RMST: variants seen among roughly 807,000 people sequenced by gnomAD.
RMST encodes the protein rhabdomyosarcoma 2 associated transcript.
chr12:97,490,969 A>G (rs1048500260), intron 5 of RMST, among the ~76,000 whole-genome samples: 2 of 152,242 alleles, frequency 1.3e-5, no homozygotes, highest in African/African-American at 4.8e-5. Context: ...TCCCATTTGC[A>G]AAGTCCAAGT....
intron 10 of RMST, among the ~76,000 whole-genome samples, chr12:97,522,380 C>A (rs528129391): frequency 6.6e-6 from 1 of 152,288 alleles, no homozygotes; most frequent in Non-Finnish European, 1.5e-5. Context: ...GATTCTCTTA[C>A]ATTACTCTTC....
intron 11 of RMST, among the ~76,000 whole-genome samples, chr12:97,540,127 G>A (rs887540513): frequency 6.6e-6 from 1 of 151,682 alleles, no homozygotes; most frequent in African/African-American, 2.4e-5. Flanking sequence ...GGCGCATTGA[G>A]GGAAATCTAT....
intron 5 of RMST, among the ~76,000 whole-genome samples, chr12:97,490,849 G>A (rs1293755758): frequency 6.6e-6 from 1 of 152,190 alleles, no homozygotes; most frequent in East Asian, 1.9e-4. Flanking sequence ...CCCAGCGAAA[G>A]GGGATTTGAT....
chr12:97,514,533 A>G (rs1413895930), intron 10 of RMST, among the ~76,000 whole-genome samples: 2 of 152,144 alleles, frequency 1.3e-5, no homozygotes, highest in Non-Finnish European at 1.5e-5. Flanking sequence ...TGCCATATCT[A>G]TATCTATATA....
intron 13 of RMST, chr12:97,564,080 T>C (rs1339362895): frequency 1.8e-5 from 6 of 337,502 alleles, no homozygotes; most frequent in Non-Finnish European, 3.0e-5. Flanking sequence ...TTCGTAATCA[T>C]TGATTAACAT....
chr12:97,525,691 AG>A, intron 10 of RMST, among the ~76,000 whole-genome samples: 1 of 152,182 alleles, frequency 6.6e-6, no homozygotes, highest in South Asian at 2.1e-4. Flanking sequence ...ATAAATAAAC[AG>A]TATATGCAAA....
intron 10 of RMST, among the ~76,000 whole-genome samples, chr12:97,526,277 C>T (rs910165010): frequency 1.3e-5 from 2 of 151,986 alleles, no homozygotes; most frequent in Admixed American, 1.3e-4. Context: ...TATACAATAC[C>T]CATTGTTCTG....
intron 10 of RMST, among the ~76,000 whole-genome samples, chr12:97,503,482 T>C (rs1878319223): frequency 6.6e-6 from 1 of 151,028 alleles, no homozygotes; most frequent in Non-Finnish European, 1.5e-5. Flanking sequence ...GGTGGGATGC[T>C]TATTAAAAAA....
chr12:97,556,975 A>G (rs1883751418), intron 11 of RMST, among the ~76,000 whole-genome samples: 1 of 152,174 alleles, frequency 6.6e-6, no homozygotes, highest in Non-Finnish European at 1.5e-5. Flanking sequence ...GCCAAAGTTC[A>G]TCTTCATAAT....
intron 10 of RMST, among the ~76,000 whole-genome samples, chr12:97,513,867 A>G (rs1879671050): frequency 6.6e-6 from 1 of 152,170 alleles, no homozygotes; most frequent in Non-Finnish European, 1.5e-5. Context: ...CCAGAAAAGA[A>G]AAGGGTCAGG....
intron 10 of RMST, among the ~76,000 whole-genome samples, chr12:97,516,347 G>A (rs115871896): frequency 5.9e-5 from 9 of 152,008 alleles, no homozygotes; most frequent in South Asian, 2.1e-4. Flanking sequence ...GCTAATTGCC[G>A]TCACATTTTG....
intron 4 of RMST, among the ~76,000 whole-genome samples, chr12:97,463,616 A>C (rs1298132002): frequency 6.6e-6 from 1 of 152,224 alleles, no homozygotes. Context: ...GCCATGCAGA[A>C]TTCAAGGGAT....
At chr12:97,495,189 G>A (rs754734731) in intron 9 of RMST, among the ~76,000 whole-genome samples, 4 of 149,406 alleles carry the variant, frequency 2.7e-5, no homozygotes, top group Non-Finnish European at 6.0e-5. Context: ...GGGGGGAGCC[G>A]CTGGGAAAGG....
At chr12:97,526,278 C>T (rs998398565) in intron 10 of RMST, among the ~76,000 whole-genome samples, 4 of 152,082 alleles carry the variant, frequency 2.6e-5, no homozygotes, top group African/African-American at 9.7e-5. Flanking sequence ...ATACAATACC[C>T]ATTGTTCTGC....
At chr12:97,556,384 G>A (rs1883711306) in intron 11 of RMST, among the ~76,000 whole-genome samples, 1 of 152,204 alleles carries the variant, frequency 6.6e-6, no homozygotes, top group South Asian at 2.1e-4. Context: ...TTAAAAGGCA[G>A]CTGGGCGGCC....
intron 10 of RMST, among the ~76,000 whole-genome samples, chr12:97,524,045 CA>C (rs1218335026): frequency 1.8e-5 from 2 of 111,120 alleles, no homozygotes; most frequent in Non-Finnish European, 3.5e-5. Context: ...CACTGCAGTC[CA>C]GCCTGGGCAA....
At chr12:97,558,840 C>T (rs1165778050) in intron 11 of RMST, among the ~76,000 whole-genome samples, 1 of 152,146 alleles carries the variant, frequency 6.6e-6, no homozygotes, top group Non-Finnish European at 1.5e-5. Context: ...CTGAGGCCAG[C>T]AACCTGATGG....
chr12:97,502,906 A>G (rs1878247465), intron 10 of RMST, among the ~76,000 whole-genome samples: 1 of 152,214 alleles, frequency 6.6e-6, no homozygotes, highest in African/African-American at 2.4e-5. Flanking sequence ...TTCTTGTACA[A>G]TGTGACTTCC....
At chr12:97,515,563 A>G (rs540931136) in intron 10 of RMST, among the ~76,000 whole-genome samples, 11 of 152,228 alleles carry the variant, frequency 7.2e-5, no homozygotes, top group Non-Finnish European at 1.6e-4. Flanking sequence ...TGTACCAAAC[A>G]TAGTATCAAA....
Sources: allele counts gnomAD v4.1 joint callset (sites outside exome capture counted in the v4.1 genomes callset), GRCh38; gene constraint gnomAD v4.1.1; transcripts MANE v1.5; gene names NCBI Gene and HGNC (gene_info 2026-07-23, HGNC 2026-07-21).